SMYD3: variants seen among roughly 807,000 people sequenced by gnomAD.
SMYD3 encodes the protein histone-lysine N-methyltransferase SMYD3.
A neutral mutation model predicts 57.7 loss-of-function variants in SMYD3; 36 were observed. The observed-to-expected ratio is 0.62, with a 90% CI of 0.48 to 0.82. The LOEUF (loss-of-function observed/expected upper bound fraction) is 0.82. Ranked by LOEUF, SMYD3 falls within the 40% of genes least tolerant of loss-of-function variation. SMYD3 has a pLI of 0.00. For synonymous variants in SMYD3, 211 were observed against 195.0 expected (o/e 1.08, Z -0.68); for missense variants, 515 against 538.8 (o/e 0.96, Z 0.44).
chr1:245,910,802 A>T (rs1365161470), intron 8 of SMYD3, among the ~76,000 whole-genome samples: 9 of 152,152 alleles, frequency 5.9e-5, no homozygotes, highest in Non-Finnish European at 1.0e-4. Context: ...AACTACTATA[A>T]GAAAACATTG....
chr1:246,244,483 A>G (rs1390055833), intron 5 of SMYD3, among the ~76,000 whole-genome samples: 2 of 152,210 alleles, frequency 1.3e-5, no homozygotes, highest in Non-Finnish European at 2.9e-5. Flanking sequence ...GCAATCTGAA[A>G]GGACCGGCAG....
chr1:245,764,385 G>T (rs189114013), intron 10 of SMYD3, among the ~76,000 whole-genome samples: 3 of 150,532 alleles, frequency 2.0e-5, no homozygotes, highest in African/African-American at 7.3e-5. Context: ...GGACTAGAAG[G>T]TCTCCCTCAT....
At chr1:245,789,343 C>T (rs1029689691) in intron 10 of SMYD3, among the ~76,000 whole-genome samples, 14 of 152,120 alleles carry the variant, frequency 9.2e-5, no homozygotes, top group Non-Finnish European at 1.6e-4. Context: ...CTAGCAGGGA[C>T]AGGAATGGCA....
At chr1:245,885,569 A>G (rs1002802362) in intron 8 of SMYD3, among the ~76,000 whole-genome samples, 5 of 152,108 alleles carry the variant, frequency 3.3e-5, no homozygotes, top group Admixed American at 2.6e-4. Flanking sequence ...TAACTCCTAT[A>G]TCAACCAGAT....
At chr1:246,399,586 T>G (rs1177852950) in intron 1 of SMYD3, among the ~76,000 whole-genome samples, 1 of 152,128 alleles carries the variant, frequency 6.6e-6, no homozygotes, top group African/African-American at 2.4e-5. Context: ...TCAACTGATC[T>G]GCCCGGGTCA....
At chr1:246,040,125 A>T (rs1451730146) in intron 5 of SMYD3, among the ~76,000 whole-genome samples, 1 of 152,218 alleles carries the variant, frequency 6.6e-6, no homozygotes, top group East Asian at 1.9e-4. Flanking sequence ...AATAGCATTC[A>T]CTTTTCAAAT....
At chr1:245,897,720 C>G (rs967284435) in intron 8 of SMYD3, among the ~76,000 whole-genome samples, 10 of 152,044 alleles carry the variant, frequency 6.6e-5, no homozygotes, top group African/African-American at 2.2e-4. Context: ...CATGTTGAAA[C>G]CCCATCTCTA....
At chr1:246,020,422 A>G (rs141756416) in intron 5 of SMYD3, among the ~76,000 whole-genome samples, 1 of 152,326 alleles carries the variant, frequency 6.6e-6, no homozygotes, top group African/African-American at 2.4e-5. Context: ...TTAGGTTTCA[A>G]AAGCCTACAA....
At chr1:245,802,821 AC>A (rs2047937437) in intron 10 of SMYD3, among the ~76,000 whole-genome samples, 1 of 152,210 alleles carries the variant, frequency 6.6e-6, no homozygotes, top group South Asian at 2.1e-4. Context: ...CAGACTGGAA[AC>A]CTTGGGCCTC....
intron 11 of SMYD3, among the ~76,000 whole-genome samples, chr1:245,761,562 A>G (rs12045474): frequency 0.27 from 41,209 of 152,014 alleles, 6,459 homozygotes; most frequent in East Asian, 0.65. Flanking sequence ...TCACATAAGA[A>G]GCAATCTAAA....
chr1:246,259,637 C>A (rs1252782388), intron 5 of SMYD3, among the ~76,000 whole-genome samples: 2 of 152,194 alleles, frequency 1.3e-5, no homozygotes, highest in Non-Finnish European at 2.9e-5. Flanking sequence ...GATACTTGAT[C>A]CTTGTTTACT....
intron 5 of SMYD3, among the ~76,000 whole-genome samples, chr1:246,206,514 G>A (rs2063002437): frequency 6.6e-6 from 1 of 151,748 alleles, no homozygotes; most frequent in African/African-American, 2.4e-5. Context: ...AAATGACAGA[G>A]AAAAATTATG....
intron 1 of SMYD3, among the ~76,000 whole-genome samples, chr1:246,409,065 TC>T (rs1217747644): frequency 6.6e-6 from 1 of 152,208 alleles, no homozygotes; most frequent in African/African-American, 2.4e-5. Context: ...CATTGTAGAT[TC>T]TGGATATTAG....
chr1:246,351,871 C>T (rs1425441693), intron 2 of SMYD3, among the ~76,000 whole-genome samples: 1 of 152,028 alleles, frequency 6.6e-6, no homozygotes, highest in Non-Finnish European at 1.5e-5. Flanking sequence ...TGCGGTGGCT[C>T]ACGGCTATAA....
At chr1:246,397,719 G>A (rs1408653727) in intron 1 of SMYD3, among the ~76,000 whole-genome samples, 3 of 152,020 alleles carry the variant, frequency 2.0e-5, no homozygotes, top group Non-Finnish European at 4.4e-5. Flanking sequence ...CCAAGCAAAA[G>A]AACAGGAGTT....
At chr1:246,248,631 CTTTCCTTTT>C (rs1161233567) in intron 5 of SMYD3, among the ~76,000 whole-genome samples, 2 of 119,268 alleles carry the variant, frequency 1.7e-5, no homozygotes, top group African/African-American at 3.4e-5. Context: ...AGCTCTCTGA[CTTTCCTTTT>C]TTTTTTTTTT....
intron 8 of SMYD3, among the ~76,000 whole-genome samples, chr1:245,897,821 C>T (rs1029083109): frequency 1.3e-5 from 2 of 152,024 alleles, no homozygotes; most frequent in African/African-American, 4.8e-5. Context: ...ATTACTGAAA[C>T]CTGGGAGGCA....
At chr1:245,836,104 A>G (rs1159119218) in intron 10 of SMYD3, among the ~76,000 whole-genome samples, 1 of 152,198 alleles carries the variant, frequency 6.6e-6, no homozygotes, top group East Asian at 1.9e-4. Context: ...ATCGAAAAAT[A>G]TCCTTTGGCA....
intron 5 of SMYD3, among the ~76,000 whole-genome samples, chr1:246,099,987 G>A (rs554232588): frequency 3.0e-4 from 45 of 152,216 alleles, no homozygotes; most frequent in African/African-American, 9.6e-4. Context: ...ATTCATCTTC[G>A]GAATGTGCTA....
Sources: gnomAD v4.1 joint callset for allele counts (sites outside exome capture counted in the v4.1 genomes callset) on GRCh38, gnomAD v4.1.1 for gene constraint, MANE v1.5 for transcripts, NCBI Gene and HGNC (gene_info 2026-07-23, HGNC 2026-07-21) for gene names.